Variants in ACACA observed in about 807,000 individuals in gnomAD.
ACACA encodes the protein acetyl-CoA carboxylase 1.
ACACA carries 103 observed loss-of-function variants against 296.1 expected under a neutral mutation model. That is an observed-to-expected ratio of 0.35 (90% CI 0.30 to 0.41). The LOEUF (loss-of-function observed/expected upper bound fraction) is 0.41. Among genes scored for constraint, ACACA ranks in the 10% least tolerant of loss-of-function variants. The probability of loss-of-function intolerance (pLI) is 1.00; values close to 1 mark genes in which losing one functional copy is unlikely to be tolerated. For synonymous variants in ACACA, 953 were observed against 1,038.6 expected (o/e 0.92, Z 1.58); for missense variants, 1,554 against 2,989.7 (o/e 0.52, Z 11.20).
chr17:37,144,765 CA>C (rs2075740890), intron 45 of ACACA, among the ~76,000 whole-genome samples: 1 of 152,030 alleles, frequency 6.6e-6, no homozygotes, highest in Non-Finnish European at 1.5e-5. Flanking sequence ...CTGGCAGATT[CA>C]GTGGAAATAG....
intron 43 of ACACA, among the ~76,000 whole-genome samples, chr17:37,154,369 T>C (rs1013413127): frequency 6.6e-6 from 1 of 151,798 alleles, no homozygotes; most frequent in Non-Finnish European, 1.5e-5. Context: ...GAGGAAAAAT[T>C]AAAAATGTGA....
In ACACA at chr17:37,264,011, T is replaced by A. The variant is rs927072214; in HGVS notation, c.1120-117A>T. ...TGTCCAGAAGTGTCAGGAACCATGT[T>A]AATCAGCAGAAATACAAAACTGAAT... On this transcript the variant is annotated intron_variant, in intron 10 of 55. Coordinates refer to ENST00000616317, the MANE Select transcript of ACACA (RefSeq NM_198834.3). 1.1e-5 allele frequency: 9 copies of A among 786,702 alleles called. No individual in the cohort carries two copies. The Admixed American group carries it at 2.1e-4, about 19-fold the overall frequency. The allele number at this position is 786,702 out of a possible 1,614,324, so 48.7% of individuals were successfully genotyped here.
chr17:37,120,798 CTAATTACT>C (rs1212391248), intron 50 of ACACA, among the ~76,000 whole-genome samples: 1 of 152,178 alleles, frequency 6.6e-6, no homozygotes, highest in Non-Finnish European at 1.5e-5. Flanking sequence ...TACTGGCTGC[CTAATTACT>C]TAGCAATTCC....
chr17:37,307,437 C>T (rs1039714565), intron 3 of ACACA, among the ~76,000 whole-genome samples: 1 of 152,068 alleles, frequency 6.6e-6, no homozygotes, highest in African/African-American at 2.4e-5. Context: ...ATGTGTTTAA[C>T]TCATTGTAAT....
intron 1 of ACACA, chr17:37,378,995 G>A (rs538289704): frequency 1.5e-5 from 15 of 1,008,666 alleles, no homozygotes; most frequent in Admixed American, 5.7e-5. Flanking sequence ...CTTGGAGATC[G>A]AGGGAGTTTG....
chr17:37,380,468 G>A (rs2050198610), intron 1 of ACACA, among the ~76,000 whole-genome samples: 1 of 152,048 alleles, frequency 6.6e-6, no homozygotes, highest in Admixed American at 6.6e-5. Context: ...CTCCCCTTGG[G>A]CAAATCTACG....
chr17:37,222,287 C>A (rs1325920905), intron 28 of ACACA, among the ~76,000 whole-genome samples: 1 of 152,156 alleles, frequency 6.6e-6, no homozygotes, highest in Non-Finnish European at 1.5e-5. Context: ...CAGTTCAACT[C>A]TTTTACTATC....
At chr17:37,288,856 C>A (rs1003168633) in intron 3 of ACACA, among the ~76,000 whole-genome samples, 2 of 151,954 alleles carry the variant, frequency 1.3e-5, no homozygotes, top group African/African-American at 4.8e-5. Context: ...TATGATCACA[C>A]CACTGCACTC....
intron 11 of ACACA, among the ~76,000 whole-genome samples, 155 bp from the exon 12 acceptor site, chr17:37,259,685 C>G (rs2081359090): frequency 6.6e-6 from 1 of 152,066 alleles, no homozygotes; most frequent in South Asian, 2.1e-4. Flanking sequence ...TACAATATCC[C>G]TGGACAAGGA....
intron 3 of ACACA, among the ~76,000 whole-genome samples, chr17:37,297,583 C>A (rs1189279301): frequency 1.3e-5 from 2 of 151,332 alleles, no homozygotes; most frequent in East Asian, 3.9e-4. Flanking sequence ...GCTCTTGTCA[C>A]CCAGACTGGA....
chr17:37,295,066 A>G (rs1189284913), intron 3 of ACACA, among the ~76,000 whole-genome samples: 1 of 152,228 alleles, frequency 6.6e-6, no homozygotes, highest in Non-Finnish European at 1.5e-5. Context: ...GTCCTTAGCC[A>G]GTAGAGTAGG....
At position 37,258,341 on chromosome 17, in the gene ACACA, C is replaced by T; in HGVS notation, c.1533G>A (p.Lys511=). 1 of 1,614,010 alleles carries T rather than the reference C, an allele frequency of 6.2e-7. No homozygotes were observed. Among genetic ancestry groups the T allele is most frequent in the South Asian group, 1.1e-5 (1 of 91,078 alleles). The part of the protein sequence containing the change: ...IAMGIPLYRI[K]DIRMMYGVSP... ...ATACCCCATACATCATACGGATATCCTTGATTCTATATAGAGGAATCCCCA... is the reference window on the plus strand; with the variant it reads ...ATACCCCATACATCATACGGATATCTTTGATTCTATATAGAGGAATCCCCA... The change falls in exon 13 of 56, where the codon AAG becomes AAA. Residue 511 remains lysine (K), a synonymous_variant. Transcript: ENST00000616317.
At chr17:37,093,450 AG>A (rs35601261) in intron 54 of ACACA, among the ~76,000 whole-genome samples, 26,805 of 152,048 alleles carry the variant, frequency 0.18, 3,058 homozygotes, top group East Asian at 0.44. Flanking sequence ...AACATGGAGC[AG>A]GGGAAACTAG....
chr17:37,321,047 CA>C (rs1264453414), intron 3 of ACACA, among the ~76,000 whole-genome samples: 1 of 152,092 alleles, frequency 6.6e-6, no homozygotes, highest in African/African-American at 2.4e-5. Context: ...TAAAGCACAG[CA>C]GAGTATCCGG....
intron 2 of ACACA, among the ~76,000 whole-genome samples, chr17:37,336,437 A>G (rs189878141): frequency 4.6e-5 from 7 of 152,316 alleles, no homozygotes; most frequent in Admixed American, 4.6e-4. Flanking sequence ...TCCACCTTTA[A>G]ACACCGGGCT....
intron 14 of ACACA, among the ~76,000 whole-genome samples, chr17:37,253,510 A>G (rs2081089970): frequency 6.6e-6 from 1 of 152,254 alleles, no homozygotes. Context: ...AAGTGTGCTC[A>G]TTCATGTGCA....
chr17:37,193,835 T>C (rs1250880433), intron 35 of ACACA, among the ~76,000 whole-genome samples: 2 of 152,188 alleles, frequency 1.3e-5, no homozygotes, highest in Non-Finnish European at 2.9e-5. Flanking sequence ...AAATATAAAC[T>C]ACTCAGACAG....
chr17:37,153,385 A>G (rs1215745841), intron 43 of ACACA, among the ~76,000 whole-genome samples: 1 of 152,188 alleles, frequency 6.6e-6, no homozygotes, highest in South Asian at 2.1e-4. Flanking sequence ...AAGCACTATT[A>G]TATGTGGTAT....
At chr17:37,257,934 GT>G (rs1242472869) in intron 13 of ACACA, 68 bp from the exon 14 acceptor site, 8 of 1,569,832 alleles carry the variant, frequency 5.1e-6, no homozygotes, top group Non-Finnish European at 7.0e-6. Context: ...TATATTCATT[GT>G]TTAAGTTCTC....
Sources: gnomAD v4.1 joint callset for allele counts (sites outside exome capture counted in the v4.1 genomes callset) on GRCh38, gnomAD v4.1.1 for gene constraint, MANE v1.5 for transcripts, NCBI Gene and HGNC (gene_info 2026-07-23, HGNC 2026-07-21) for gene names.